Variants in MED12L observed in about 807,000 individuals in gnomAD.
MED12L encodes the protein mediator of RNA polymerase II transcription subunit 12-like protein.
MED12L carries 60 observed loss-of-function variants against 281.3 expected under a neutral mutation model. The observed-to-expected ratio is 0.21, with a 90% CI of 0.17 to 0.26. The LOEUF (loss-of-function observed/expected upper bound fraction) is 0.26. MED12L is among the 10% of genes least tolerant of loss of function. The probability of loss-of-function intolerance (pLI) is 1.00; values close to 1 mark genes in which losing one functional copy is unlikely to be tolerated. For missense variants in MED12L, 2,146 were observed against 2,680.9 expected (o/e 0.80, Z 4.41); for synonymous variants, 974 against 987.2 (o/e 0.99, Z 0.25).
chr3:151,087,643 T>C (rs1036368185), intron 2 of MED12L, among the ~76,000 whole-genome samples: 6 of 152,202 alleles, frequency 3.9e-5, no homozygotes, highest in African/African-American at 7.2e-5. Flanking sequence ...GGCTGTTTTG[T>C]ATACGTAAAA....
intron 16 of MED12L, among the ~76,000 whole-genome samples, chr3:151,313,906 G>C (rs906221283): frequency 2.1e-5 from 3 of 146,330 alleles, no homozygotes; most frequent in Non-Finnish European, 4.5e-5. Flanking sequence ...CCTGGTGACA[G>C]AGCGAGACTC....
intron 11 of MED12L, among the ~76,000 whole-genome samples, chr3:151,171,754 G>C (rs1721456221): frequency 6.6e-6 from 1 of 152,208 alleles, no homozygotes; most frequent in Non-Finnish European, 1.5e-5. Flanking sequence ...GCCCAGCCAG[G>C]TTTGTATCAG....
At chr3:151,316,574 T>A (rs1310369684) in intron 16 of MED12L, 5 of 152,128 alleles carry the variant, frequency 3.3e-5, no homozygotes, top group Admixed American at 3.3e-4. Flanking sequence ...AAATGAAAAA[T>A]TTTTCGTTTA....
At chr3:151,328,964 T>C (rs774782565) in intron 16 of MED12L, 2 of 1,613,176 alleles carry the variant, frequency 1.2e-6, no homozygotes, top group African/African-American at 2.7e-5. Flanking sequence ...CTCAGATCTG[T>C]TGAAGCCTTG....
chr3:151,254,418 C>G (rs1342917961), intron 16 of MED12L, among the ~76,000 whole-genome samples: 2 of 152,170 alleles, frequency 1.3e-5, no homozygotes, highest in Non-Finnish European at 2.9e-5. Flanking sequence ...CCAGGGGAAA[C>G]CTTGCTGTCT....
chr3:151,134,065 G>A (rs899042249), intron 5 of MED12L, among the ~76,000 whole-genome samples: 3 of 152,158 alleles, frequency 2.0e-5, no homozygotes, highest in Non-Finnish European at 4.4e-5. Context: ...TGATAAGCAG[G>A]GATACGGTGC....
chr3:151,168,221 A>G (rs995059856), intron 11 of MED12L, among the ~76,000 whole-genome samples: 1 of 152,230 alleles, frequency 6.6e-6, no homozygotes, highest in African/African-American at 2.4e-5. Flanking sequence ...GCAATGAGCC[A>G]TTAGGGTGCA....
intron 11 of MED12L, among the ~76,000 whole-genome samples, chr3:151,168,514 G>A (rs1721002024): frequency 6.6e-6 from 1 of 152,104 alleles, no homozygotes. Flanking sequence ...GAGGCTCTAG[G>A]CACGCACATT....
At chr3:151,216,090 G>A (rs1728163464) in intron 16 of MED12L, among the ~76,000 whole-genome samples, 1 of 152,170 alleles carries the variant, frequency 6.6e-6, no homozygotes, top group African/African-American at 2.4e-5. Context: ...CTCTCCAGCT[G>A]TTTGTCTCTT....
At chr3:151,128,491 C>G (rs758058839) in intron 5 of MED12L, among the ~76,000 whole-genome samples, 1 of 152,256 alleles carries the variant, frequency 6.6e-6, no homozygotes, top group East Asian at 1.9e-4. Flanking sequence ...CCCCGGCTCC[C>G]CCCCTTCCTG....
At chr3:151,133,326 G>T (rs184591712) in intron 5 of MED12L, among the ~76,000 whole-genome samples, 20 of 152,286 alleles carry the variant, frequency 1.3e-4, no homozygotes, top group Admixed American at 9.8e-4. Flanking sequence ...CCTTACTGTC[G>T]TTATGCAGAG....
chr3:151,374,934 TA>T (rs200230535), intron 27 of MED12L, among the ~76,000 whole-genome samples: 11 of 151,544 alleles, frequency 7.3e-5, no homozygotes, highest in African/African-American at 2.2e-4. Context: ...AGTTCTCTTA[TA>T]AAAAAAAAGT....
At chr3:151,343,843 T>C (rs927893929) in intron 16 of MED12L, among the ~76,000 whole-genome samples, 6 of 152,190 alleles carry the variant, frequency 3.9e-5, no homozygotes, top group African/African-American at 1.4e-4. Context: ...AAACCTGTAG[T>C]CTTTTGGAAC....
intron 5 of MED12L, among the ~76,000 whole-genome samples, chr3:151,154,076 G>A (rs961840310): frequency 2.6e-5 from 4 of 152,136 alleles, no homozygotes; most frequent in East Asian, 1.9e-4. Context: ...TTCTCTAGTC[G>A]TGAATAATTA....
At chr3:151,175,001 A>C (rs1322467932) in intron 11 of MED12L, among the ~76,000 whole-genome samples, 2 of 152,214 alleles carry the variant, frequency 1.3e-5, no homozygotes, top group African/African-American at 4.8e-5. Flanking sequence ...GGAAATGTTT[A>C]TATGTATAAA....
At chr3:151,217,831 C>T (rs188330111) in intron 16 of MED12L, among the ~76,000 whole-genome samples, 11 of 152,154 alleles carry the variant, frequency 7.2e-5, no homozygotes, top group Admixed American at 2.0e-4. Flanking sequence ...TACTGTCTTA[C>T]GGGTTCAAGT....
intron 16 of MED12L, among the ~76,000 whole-genome samples, chr3:151,323,496 A>G (rs973688895): frequency 1.3e-5 from 2 of 152,092 alleles, no homozygotes; most frequent in African/African-American, 4.8e-5. Context: ...GCCCCCTGCA[A>G]CCCTCACGCT....
chr3:151,281,916 T>G (rs1679290385), intron 16 of MED12L, among the ~76,000 whole-genome samples: 1 of 152,228 alleles, frequency 6.6e-6, no homozygotes, highest in African/African-American at 2.4e-5. Flanking sequence ...CTGTTTCCAG[T>G]CAGTTTCTAT....
chr3:151,358,946 T>C (rs1279537876), intron 20 of MED12L, among the ~76,000 whole-genome samples: 1 of 152,200 alleles, frequency 6.6e-6, no homozygotes, highest in African/African-American at 2.4e-5. Flanking sequence ...TGTTTAACTT[T>C]TATTTTAGAA....
Sources: gnomAD v4.1 joint callset for allele counts (sites outside exome capture counted in the v4.1 genomes callset) on GRCh38, gnomAD v4.1.1 for gene constraint, MANE v1.5 for transcripts, NCBI Gene and HGNC (gene_info 2026-07-23, HGNC 2026-07-21) for gene names.